The following UNC13C variants were observed in gnomAD, a reference collection of about 807,000 sequenced individuals.
The protein encoded by UNC13C is unc-13 homolog C, also known as protein unc-13 homolog C.
A neutral mutation model predicts 245.4 loss-of-function variants in UNC13C; 174 were observed. That is an observed-to-expected ratio of 0.71 (90% CI 0.63 to 0.80). The LOEUF is 0.80. Ranked by LOEUF, UNC13C falls within the 30% of genes least tolerant of loss-of-function variation. The probability of loss-of-function intolerance (pLI) is 0.00; values close to 1 mark genes in which losing one functional copy is unlikely to be tolerated. For synonymous variants in UNC13C, 992 were observed against 895.1 expected (o/e 1.11, Z -1.93); for missense variants, 2,829 against 2,602.9 (o/e 1.09, Z -1.89).
chr15:53,956,255 G>A, the UNC13C span, among the ~76,000 whole-genome samples: 24 of 152,026 alleles, frequency 1.6e-4, no homozygotes, highest in Non-Finnish European at 1.2e-4. Flanking sequence ...AGAATCAATC[G>A]CATCCCAAAC....
intron 10 of UNC13C, among the ~76,000 whole-genome samples, chr15:54,280,705 TAC>T (rs959250430): frequency 2.6e-4 from 34 of 129,624 alleles, no homozygotes; most frequent in South Asian, 2.6e-3. Context: ...TATGTATACA[TAC>T]ATATATACAT....
chr15:53,994,341 A>T (rs1409145882), intron 1 of UNC13C, among the ~76,000 whole-genome samples: 1 of 151,958 alleles, frequency 6.6e-6, no homozygotes, highest in African/African-American at 2.4e-5. Context: ...TTATTTATGG[A>T]TTTACTTAAA....
rs115043866 is a variant in UNC13C, at chr15:54,334,766, T to A, written c.4584+910T>A. ...AGTAGCTACTGGAACAATGTGCAGC[T>A]AATGATGGCGAGACCCAATCAAGTT... On this transcript the variant is annotated intron_variant, in intron 16 of 32. Transcript: ENST00000260323. Among the ~76,000 whole-genome samples, 1,375 of 152,266 alleles carry A rather than the reference T, an allele frequency of 9.0e-3. 15 individuals are homozygous for A. Among genetic ancestry groups the A allele is most frequent in the African/African-American group, 0.032 (1,315 of 41,566 alleles).
the UNC13C span, among the ~76,000 whole-genome samples, chr15:53,942,563 A>C: frequency 8.6e-5 from 13 of 151,744 alleles, no homozygotes; most frequent in East Asian, 2.5e-3. Context: ...TCAAATAAAA[A>C]TTGAAAAAAA....
chr15:54,168,386 G>T (rs547863408), intron 4 of UNC13C, among the ~76,000 whole-genome samples: 43 of 152,166 alleles, frequency 2.8e-4, no homozygotes, highest in Admixed American at 1.0e-3. Context: ...GTAATTTTAT[G>T]TTTACATTCA....
chr15:54,504,616 G>C (rs75754604), intron 22 of UNC13C, among the ~76,000 whole-genome samples: 3 of 152,250 alleles, frequency 2.0e-5, no homozygotes, highest in Non-Finnish European at 4.4e-5. Context: ...TGACAGAAAT[G>C]GGAGACCCTA....
At chr15:54,440,339 C>G (rs1384011780) in intron 19 of UNC13C, among the ~76,000 whole-genome samples, 1 of 151,938 alleles carries the variant, frequency 6.6e-6, no homozygotes, top group African/African-American at 2.4e-5. Flanking sequence ...AGTGTGAAAA[C>G]AAACAAATAC....
intron 17 of UNC13C, among the ~76,000 whole-genome samples, chr15:54,384,921 C>G (rs2039805142): frequency 6.6e-6 from 1 of 152,088 alleles, no homozygotes; most frequent in Non-Finnish European, 1.5e-5. Flanking sequence ...CTCAGTATCA[C>G]TAATCATCAG....
At chr15:54,206,743 A>C (rs1255865804) in intron 4 of UNC13C, among the ~76,000 whole-genome samples, 1 of 152,078 alleles carries the variant, frequency 6.6e-6, no homozygotes, top group Non-Finnish European at 1.5e-5. Flanking sequence ...TCGCACTTCT[A>C]ATAGATATAC....
chr15:54,049,141 G>A (rs1480524977), intron 2 of UNC13C: 15 of 387,126 alleles, frequency 3.9e-5, no homozygotes, highest in Non-Finnish European at 7.2e-5. Context: ...TCCTTACGAG[G>A]AAGAAGCTTT....
intron 13 of UNC13C, among the ~76,000 whole-genome samples, chr15:54,310,004 A>G (rs1213328924): frequency 2.0e-5 from 3 of 151,872 alleles, no homozygotes; most frequent in African/African-American, 7.2e-5. Flanking sequence ...AAGTAAAGTC[A>G]AATGTTTTAA....
intron 28 of UNC13C, among the ~76,000 whole-genome samples, chr15:54,553,314 GAAT>G (rs1194140579): frequency 4.6e-5 from 5 of 108,240 alleles, no homozygotes; most frequent in Non-Finnish European, 8.7e-5. Flanking sequence ...TTACAATATA[GAAT>G]ATTATATATA....
intron 2 of UNC13C, among the ~76,000 whole-genome samples, chr15:54,105,584 G>A (rs1897005): frequency 0.98 from 148,864 of 152,268 alleles, 72,883 homozygotes; most frequent in Middle Eastern, 1. Flanking sequence ...TGCATTTTAA[G>A]GTCTCAGGTG....
At chr15:54,489,048 C>A (rs1175029438) in intron 19 of UNC13C, among the ~76,000 whole-genome samples, 1 of 152,070 alleles carries the variant, frequency 6.6e-6, no homozygotes, top group Non-Finnish European at 1.5e-5. Context: ...CAATATCTTA[C>A]ATTGATTATT....
At position 54,628,550 on chromosome 15, in the gene UNC13C, G is replaced by A. The variant is rs1325021647; in HGVS notation, c.*1437G>A. On this transcript the variant is annotated 3_prime_UTR_variant, in exon 33 of 33. Coordinates refer to ENST00000260323, the MANE Select transcript of UNC13C (RefSeq NM_001080534.3). ...TTAATGACTCCTCTAAATGCATAGT[G>A]TGATGCGATCCTCTGGCATATGCTT... is the stretch of plus-strand genomic sequence containing the variant. 7.9e-5 allele frequency: 12 copies of A among 152,724 alleles called. No homozygotes were observed. The highest frequency in any genetic ancestry group is 7.8e-4 in the Admixed American group (12 of 15,290). 9.5% of individuals were successfully genotyped at this position (152,724 alleles called of 1,614,324 possible).
intron 30 of UNC13C, among the ~76,000 whole-genome samples, chr15:54,620,019 G>C (rs1235267027): frequency 6.6e-6 from 1 of 151,982 alleles, no homozygotes; most frequent in African/African-American, 2.4e-5. Context: ...ACAATTGTCA[G>C]AAAATTTATG....
At chr15:54,606,777 C>A (rs1384445789) in intron 30 of UNC13C, among the ~76,000 whole-genome samples, 1 of 152,184 alleles carries the variant, frequency 6.6e-6, no homozygotes, top group Non-Finnish European at 1.5e-5. Flanking sequence ...CCTGTGGTGT[C>A]AAACCCTCTG....
chr15:54,193,919 C>G (rs2034269377), intron 4 of UNC13C, among the ~76,000 whole-genome samples: 1 of 152,098 alleles, frequency 6.6e-6, no homozygotes, highest in Non-Finnish European at 1.5e-5. Flanking sequence ...AGATCTGGAG[C>G]TACGAAGGTT....
intron 4 of UNC13C, among the ~76,000 whole-genome samples, chr15:54,162,552 T>C (rs2033017207): frequency 1.3e-5 from 2 of 152,208 alleles, no homozygotes; most frequent in African/African-American, 4.8e-5. Context: ...TAAGATTCTT[T>C]CCATCAAAAC....
Sources: allele counts gnomAD v4.1 joint callset (sites outside exome capture counted in the v4.1 genomes callset), GRCh38; gene constraint gnomAD v4.1.1; transcripts MANE v1.5; gene names NCBI Gene and HGNC (gene_info 2026-07-23, HGNC 2026-07-21).